Variants in DPP10 observed in about 807,000 individuals in gnomAD.
DPP10 encodes dipeptidyl peptidase like 10.
Under a neutral mutation model 120.9 loss-of-function variants are expected in DPP10, and 33 were observed. The ratio of observed to expected loss-of-function variants is 0.27; its 90% CI spans 0.21 to 0.37. The LOEUF is 0.37. Among genes scored for constraint, DPP10 ranks in the 10% least tolerant of loss-of-function variants. The probability of loss-of-function intolerance (pLI) is 1.00; values close to 1 mark genes in which losing one functional copy is unlikely to be tolerated. For synonymous variants in DPP10, 337 were observed against 326.1 expected (o/e 1.03, Z -0.36); for missense variants, 816 against 942.8 (o/e 0.87, Z 1.76).
intron 19 of DPP10, among the ~76,000 whole-genome samples, chr2:115,792,999 A>G (rs1439957890): frequency 1.3e-5 from 2 of 152,212 alleles, no homozygotes; most frequent in African/African-American, 4.8e-5. Flanking sequence ...TAGGGGGAAA[A>G]CCGAATAAGA....
At chr2:115,669,921 C>T (rs994459799) in intron 5 of DPP10, among the ~76,000 whole-genome samples, 2 of 152,060 alleles carry the variant, frequency 1.3e-5, no homozygotes, top group African/African-American at 4.8e-5. Flanking sequence ...TTAACTGATG[C>T]CAGTTGTCTG....
chr2:115,572,152 TTAACAA>T (rs2081370861), intron 5 of DPP10, among the ~76,000 whole-genome samples: 1 of 152,090 alleles, frequency 6.6e-6, no homozygotes, highest in African/African-American at 2.4e-5. Context: ...TAAAAAAAAC[TTAACAA>T]TAAATGCATT....
chr2:115,267,851 A>G (rs542090126), intron 1 of DPP10, among the ~76,000 whole-genome samples: 6 of 152,274 alleles, frequency 3.9e-5, no homozygotes, highest in Non-Finnish European at 8.8e-5. Flanking sequence ...AATTGTAGTT[A>G]TCCTTCTCTG....
chr2:115,116,295 T>C (rs911550209), intron 1 of DPP10, among the ~76,000 whole-genome samples: 3 of 152,184 alleles, frequency 2.0e-5, no homozygotes, highest in Admixed American at 6.5e-5. Flanking sequence ...CAAGTTACTA[T>C]ACACAGTGCC....
intron 3 of DPP10, among the ~76,000 whole-genome samples, chr2:115,488,879 A>AT (rs1491462259): frequency 1.4e-5 from 1 of 70,704 alleles, no homozygotes. Context: ...TTAGAGTATA[A>AT]TAAAAAAAAA....
At chr2:115,651,083 A>G (rs911244380) in intron 5 of DPP10, among the ~76,000 whole-genome samples, 1 of 152,024 alleles carries the variant, frequency 6.6e-6, no homozygotes, top group African/African-American at 2.4e-5. Context: ...CTTTTTCTCC[A>G]TTATAGATTA....
At position 114,580,955 on chromosome 2, in the gene DPP10, T is replaced by C. The variant is rs1156633822; in HGVS notation, c.60+138117T>C. ...TCTTTTTCTACATGTTTTTAGCTGG[T>C]AGAAAAAATTGTGGACGACTTAAAA... is the stretch of plus-strand genomic sequence containing the variant. On this transcript the variant is annotated intron_variant, in intron 1 of 25. Transcript: ENST00000410059. 2.6e-5 allele frequency among the ~76,000 whole-genome samples: 4 copies of C among 152,036 alleles called. No homozygotes were observed. The East Asian group carries it at 7.7e-4, about 29-fold the overall frequency.
chr2:114,913,282 A>ACATGCAC (rs930679125), intron 1 of DPP10, among the ~76,000 whole-genome samples: 1 of 152,116 alleles, frequency 6.6e-6, no homozygotes, highest in Non-Finnish European at 1.5e-5. Flanking sequence ...TCAAATGGAT[A>ACATGCAC]CATGCACATG....
chr2:114,914,163 A>AC (rs1475886253), intron 1 of DPP10, among the ~76,000 whole-genome samples: 1 of 152,250 alleles, frequency 6.6e-6, no homozygotes, highest in African/African-American at 2.4e-5. Context: ...GATATTGTCC[A>AC]CAAAAATTTT....
At chr2:114,632,146 T>C (rs1282874334) in intron 1 of DPP10, among the ~76,000 whole-genome samples, 2 of 152,144 alleles carry the variant, frequency 1.3e-5, no homozygotes, top group Non-Finnish European at 2.9e-5. Flanking sequence ...GAATAGATAA[T>C]TGGGAATGCT....
At chr2:114,645,004 A>G (rs1011114044) in intron 1 of DPP10, among the ~76,000 whole-genome samples, 2 of 151,736 alleles carry the variant, frequency 1.3e-5, no homozygotes, top group Non-Finnish European at 2.9e-5. Context: ...GTATATACTG[A>G]GCAAACTGTT....
At chr2:114,630,169 A>C (rs575435282) in intron 1 of DPP10, among the ~76,000 whole-genome samples, 1 of 152,152 alleles carries the variant, frequency 6.6e-6, no homozygotes, top group Non-Finnish European at 1.5e-5. Context: ...TTCACTTCTA[A>C]AATTTTAAAA....
At chr2:115,723,897 T>C (rs1210558670) in intron 7 of DPP10, among the ~76,000 whole-genome samples, 3 of 152,198 alleles carry the variant, frequency 2.0e-5, no homozygotes, top group Non-Finnish European at 2.9e-5. Flanking sequence ...TACAGATCTT[T>C]CCAAACCATT....
intron 1 of DPP10, among the ~76,000 whole-genome samples, chr2:115,034,500 A>T (rs1355918417): frequency 6.6e-6 from 1 of 152,090 alleles, no homozygotes; most frequent in Non-Finnish European, 1.5e-5. Context: ...TATTTCCAAA[A>T]CCAAACACAT....
At chr2:115,327,310 C>T (rs2062426982) in intron 2 of DPP10, among the ~76,000 whole-genome samples, 1 of 151,990 alleles carries the variant, frequency 6.6e-6, no homozygotes, top group Non-Finnish European at 1.5e-5. Flanking sequence ...TAGCACATTC[C>T]TCAGAACATA....
chr2:114,672,856 C>A (rs922501765), intron 1 of DPP10, among the ~76,000 whole-genome samples: 1 of 152,120 alleles, frequency 6.6e-6, no homozygotes, highest in Non-Finnish European at 1.5e-5. Context: ...GCACTGAGAC[C>A]CTTCTTCCAT....
intron 1 of DPP10, among the ~76,000 whole-genome samples, chr2:114,475,654 AC>A (rs1391781969): frequency 6.6e-6 from 1 of 152,220 alleles, no homozygotes; most frequent in Non-Finnish European, 1.5e-5. Context: ...ATTCTCATGG[AC>A]ACTAAATTTT....
At chr2:115,468,789 A>T (rs983647598) in intron 3 of DPP10, 11 of 451,898 alleles carry the variant, frequency 2.4e-5, no homozygotes, top group Non-Finnish European at 4.3e-5. Context: ...GAAGTTGCAG[A>T]CTGGTCTCAA....
Position 114,703,790 on chromosome 2 carries a change from A to G in DPP10, c.60+260952A>G, listed in dbSNP as rs192546656. Among the ~76,000 whole-genome samples, 3 of 152,270 alleles carry G rather than the reference A, an allele frequency of 2.0e-5. No individual in the cohort carries two copies. The East Asian group carries it at 5.8e-4, about 30-fold the overall frequency. On this transcript the variant is annotated intron_variant, in intron 1 of 25. Transcript: ENST00000410059. ...TGAAACTAGAAGAGCTGCTGGGTTA[A>G]TAGGAGCATTTTCAATTCTCAATCT...
Sources: allele counts gnomAD v4.1 joint callset (sites outside exome capture counted in the v4.1 genomes callset), GRCh38; gene constraint gnomAD v4.1.1; transcripts MANE v1.5; gene names NCBI Gene and HGNC (gene_info 2026-07-23, HGNC 2026-07-21).